PDE4D: variants seen among roughly 807,000 people sequenced by gnomAD.
PDE4D encodes 3',5'-cyclic-AMP phosphodiesterase 4D.
In PDE4D, 24 loss-of-function variants were observed where a neutral mutation model predicts 87.4. The ratio of observed to expected loss-of-function variants is 0.27; its 90% confidence interval spans 0.20 to 0.39. The LOEUF is 0.39. PDE4D is among the 10% of genes least tolerant of loss of function. PDE4D has a pLI of 1.00. For missense variants in PDE4D, 714 were observed against 1,041.0 expected (o/e 0.69, Z 4.32); for synonymous variants, 384 against 383.2 (o/e 1.00, Z -0.02).
chr5:59,574,389 G>A (rs1044731043), intron 1 of PDE4D, among the ~76,000 whole-genome samples: 4 of 150,806 alleles, frequency 2.7e-5, no homozygotes, highest in African/African-American at 4.9e-5. Context: ...GAAAAGCTGC[G>A]GTTTAAAAAT....
rs71604780 is a variant in PDE4D at position 59,133,983 on chromosome 5, T to TTTGTTGTTGTTG, written c.808+46600_808+46611dup. Among the ~76,000 whole-genome samples the TTTGTTGTTGTTG allele has an allele frequency of 2.3e-3, 346 of 147,744 alleles. 1 individual carries two copies. The highest frequency in any genetic ancestry group is 7.9e-3 in the African/African-American group (311 of 39,594). ...TGTCCCTTGTAACTTAGCAACTAGTTTTGTTGTTGTTGTTGTTGTTGTTGT... is the reference window on the plus strand; with the variant it reads ...TGTCCCTTGTAACTTAGCAACTAGTTTTGTTGTTGTTGTTGTTGTTGTTGTTGTTGTTGTTGT... On this transcript the variant is annotated intron_variant, in intron 5 of 14. Coordinates refer to ENST00000340635, the MANE Select transcript of PDE4D (RefSeq NM_001104631.2).
intron 1 of PDE4D, among the ~76,000 whole-genome samples, chr5:60,517,937 T>G (rs1217581752): frequency 2.0e-5 from 3 of 152,218 alleles, no homozygotes; most frequent in Non-Finnish European, 4.4e-5. Context: ...AGAGAGGAAC[T>G]GCAGCCCTTC....
chr5:60,040,871 T>C (rs954589980), intron 2 of PDE4D, among the ~76,000 whole-genome samples: 1 of 152,200 alleles, frequency 6.6e-6, no homozygotes, highest in Non-Finnish European at 1.5e-5. Context: ...TGGTTTCTTC[T>C]TTAAGATTTT....
In PDE4D at chr5:59,284,208, A is replaced by G. The variant is rs533358349; in HGVS notation, c.456-68240T>C. On this transcript the variant is annotated intron_variant, in intron 1 of 14. Coordinates refer to ENST00000340635, the MANE Select transcript of PDE4D (RefSeq NM_001104631.2). ...CTGAATTAGGTGTCTGGCCATGCAA[A>G]TCTCTAGATGTTCATCCTAATTTCT... Among the ~76,000 whole-genome samples the G allele has an allele frequency of 2.1e-4, 32 of 152,198 alleles. 1 individual carries two copies. In the South Asian group the frequency reaches 6.4e-3, roughly 31 times the overall value.
At chr5:59,256,971 GC>G (rs1561825307) in intron 1 of PDE4D, among the ~76,000 whole-genome samples, 3 of 151,962 alleles carry the variant, frequency 2.0e-5, no homozygotes, top group African/African-American at 7.3e-5. Flanking sequence ...AATACAAACT[GC>G]AGAACAATGA....
In PDE4D at chr5:59,228,582, T is replaced by C. The variant is rs187773404; in HGVS notation, c.456-12614A>G. Among the ~76,000 whole-genome samples the C allele has an allele frequency of 6.9e-4, 105 of 152,310 alleles. 2 individuals carry two copies. Among genetic ancestry groups the C allele is most frequent in the African/African-American group, 2.4e-3 (101 of 41,578 alleles). On this transcript the variant is annotated intron_variant, in intron 1 of 14. Coordinates refer to ENST00000340635, the MANE Select transcript of PDE4D (RefSeq NM_001104631.2). ...TTGAAACATTGATATTTTAATGATGTGCCCTGCTACTTCTCCAGCCACCCA... is the reference window on the plus strand; with the variant it reads ...TTGAAACATTGATATTTTAATGATGCGCCCTGCTACTTCTCCAGCCACCCA...
intron 5 of PDE4D, among the ~76,000 whole-genome samples, chr5:59,078,793 G>T (rs1766156197): frequency 6.6e-6 from 1 of 152,190 alleles, no homozygotes; most frequent in African/African-American, 2.4e-5. Flanking sequence ...GAGATTACAG[G>T]TGTGAGCCAC....
At chr5:60,228,496 T>C (rs1416631734) in intron 1 of PDE4D, among the ~76,000 whole-genome samples, 2 of 143,258 alleles carry the variant, frequency 1.4e-5, no homozygotes, top group Non-Finnish European at 3.1e-5. Flanking sequence ...AGATGATTAC[T>C]TGGGTGCCCC....
intron 5 of PDE4D, among the ~76,000 whole-genome samples, chr5:59,110,537 A>G (rs984655682): frequency 5.3e-5 from 8 of 152,224 alleles, no homozygotes; most frequent in African/African-American, 1.9e-4. Context: ...TAATCCTTAT[A>G]CCAAGGGAGG....
chr5:59,594,788 T>C (rs1444895269), intron 1 of PDE4D, among the ~76,000 whole-genome samples: 1 of 152,214 alleles, frequency 6.6e-6, no homozygotes, highest in Non-Finnish European at 1.5e-5. Flanking sequence ...ATCCGTATGA[T>C]ACAAAAATGG....
chr5:59,062,360 T>A (rs1001962541), intron 5 of PDE4D, among the ~76,000 whole-genome samples: 1 of 152,140 alleles, frequency 6.6e-6, no homozygotes, highest in Non-Finnish European at 1.5e-5. Flanking sequence ...CTGATGTGAC[T>A]TTTTTCCATC....
At chr5:59,480,870 T>C (rs1423635903) in intron 1 of PDE4D, among the ~76,000 whole-genome samples, 2 of 152,110 alleles carry the variant, frequency 1.3e-5, no homozygotes, top group Non-Finnish European at 2.9e-5. Flanking sequence ...TTAAAACAAT[T>C]TATGTTATTC....
intron 2 of PDE4D, among the ~76,000 whole-genome samples, chr5:60,000,813 G>A (rs1763946759): frequency 6.6e-6 from 1 of 152,146 alleles, no homozygotes; most frequent in South Asian, 2.1e-4. Flanking sequence ...GTAGAGTTTT[G>A]TATAGAGCTG....
intron 1 of PDE4D, among the ~76,000 whole-genome samples, chr5:60,216,985 C>T (rs1166811954): frequency 6.6e-6 from 1 of 152,032 alleles, no homozygotes; most frequent in Non-Finnish European, 1.5e-5. Context: ...CATATACATT[C>T]TTCTCAATGC....
intron 3 of PDE4D, among the ~76,000 whole-genome samples, chr5:59,964,734 C>T (rs528085287): frequency 6.6e-6 from 1 of 152,244 alleles, no homozygotes; most frequent in East Asian, 1.9e-4. Context: ...ACTCTTGTTG[C>T]ACTCTCCTAT....
rs957041068 is a variant in PDE4D, at chr5:59,116,640, G to A, written c.808+63955C>T. On this transcript the variant is annotated intron_variant, in intron 5 of 14. Coordinates refer to ENST00000340635, the MANE Select transcript of PDE4D (RefSeq NM_001104631.2). ...GGGTCAAAAGGAAGATGCTCTGCAC[G>A]TACTCCACGGCTGCAGGAATTCTGG... Among the ~76,000 whole-genome samples, 7 of 152,266 alleles carry A rather than the reference G, an allele frequency of 4.6e-5. No individual in the cohort carries two copies. In the South Asian group the frequency reaches 8.3e-4, roughly 18 times the overall value.
intron 1 of PDE4D, among the ~76,000 whole-genome samples, chr5:59,635,904 G>T (rs1020918755): frequency 2.0e-5 from 3 of 152,154 alleles, no homozygotes; most frequent in Non-Finnish European, 4.4e-5. Flanking sequence ...GCAAGAGAAA[G>T]AAATAAAATA....
intron 1 of PDE4D, among the ~76,000 whole-genome samples, chr5:59,773,216 A>G (rs908432956): frequency 1.3e-5 from 2 of 152,140 alleles, no homozygotes; most frequent in Non-Finnish European, 2.9e-5. Flanking sequence ...TCGTACTACA[A>G]TTTTAGAGAT....
intron 2 of PDE4D, among the ~76,000 whole-genome samples, chr5:60,041,977 G>T (rs1768564918): frequency 6.6e-6 from 1 of 151,958 alleles, no homozygotes; most frequent in Admixed American, 6.6e-5. Flanking sequence ...ACTGTGGAAA[G>T]GGGGCTGAAA....
Sources: allele counts gnomAD v4.1 joint callset (sites outside exome capture counted in the v4.1 genomes callset), GRCh38; gene constraint gnomAD v4.1.1; transcripts MANE v1.5; gene names NCBI Gene and HGNC (gene_info 2026-07-23, HGNC 2026-07-21).